SHB: variants seen among roughly 807,000 people sequenced by gnomAD.
SHB encodes the protein SH2 domain containing adaptor protein B.
A neutral mutation model predicts 52.3 loss-of-function variants in SHB; 20 were observed. That is an observed-to-expected ratio of 0.38 (90% CI 0.27 to 0.56). The LOEUF is 0.56. Ranked by LOEUF, SHB falls within the 20% of genes least tolerant of loss-of-function variation. The pLI is 0.71. For missense variants in SHB, 825 were observed against 723.3 expected (o/e 1.14, Z -1.61); for synonymous variants, 397 against 316.5 (o/e 1.25, Z -2.70).
chr9:38,019,839 G>A (rs1459681380), intron 1 of SHB, among the ~76,000 whole-genome samples: 1 of 152,106 alleles, frequency 6.6e-6, no homozygotes, highest in Admixed American at 6.6e-5. Context: ...TAGAGGAATC[G>A]CTAAATAAAC....
At chr9:38,028,071 G>A (rs991217163) in intron 1 of SHB, among the ~76,000 whole-genome samples, 8 of 152,120 alleles carry the variant, frequency 5.3e-5, no homozygotes, top group African/African-American at 1.7e-4. Flanking sequence ...TGGAGACTGC[G>A]CAGAATCACA....
chr9:38,047,568 T>C (rs919790680), intron 1 of SHB, among the ~76,000 whole-genome samples: 1 of 152,260 alleles, frequency 6.6e-6, no homozygotes, highest in Non-Finnish European at 1.5e-5. Flanking sequence ...TCTTGGCTAA[T>C]GCCTTCAGCA....
intron 5 of SHB, among the ~76,000 whole-genome samples, chr9:37,926,388 G>C (rs1258565498): frequency 6.6e-6 from 1 of 152,188 alleles, no homozygotes; most frequent in South Asian, 2.1e-4. Context: ...ACTAGTGCTA[G>C]AAGATTCGAG....
At chr9:37,975,652 G>A (rs1299314845) in intron 2 of SHB, among the ~76,000 whole-genome samples, 1 of 152,194 alleles carries the variant, frequency 6.6e-6, no homozygotes, top group Non-Finnish European at 1.5e-5. Flanking sequence ...GCTAAAATCA[G>A]GCACTTCCCA....
At chr9:37,985,489 G>A (rs916575262) in intron 2 of SHB, among the ~76,000 whole-genome samples, 2 of 152,244 alleles carry the variant, frequency 1.3e-5, no homozygotes, top group South Asian at 2.1e-4. Flanking sequence ...CTTTGCGTGC[G>A]GAGGCCTCTA....
rs1016899809 is a variant in SHB at position 37,919,797 on chromosome 9, C to T, written c.*24G>A. 1 of 1,602,310 alleles carries T rather than the reference C, an allele frequency of 6.2e-7. No homozygotes were observed. The highest frequency in any genetic ancestry group is 1.7e-5 in the Admixed American group (1 of 59,622). ...CACCTCCAAGTCTCAGGCTCTGTCA[C>T]AGAGCAGGGCAGGTCTGGTCCGCTC... On this transcript the variant is annotated 3_prime_UTR_variant, in exon 6 of 6. Transcript: ENST00000377707.
At chr9:37,999,346 G>A (rs879352575) in intron 2 of SHB, among the ~76,000 whole-genome samples, 6 of 152,294 alleles carry the variant, frequency 3.9e-5, no homozygotes, top group Admixed American at 3.9e-4. Context: ...CTCCTGCAAG[G>A]GGTGAAGGAA....
Position 38,068,227 on chromosome 9 carries a change from C to G in SHB, c.419G>C (p.Cys140Ser). 7.2e-7 allele frequency: 1 copy of G among 1,397,154 alleles called. No individual in the cohort carries two copies. The allele number at this position is 1,397,154 out of a possible 1,614,324, so 86.5% of individuals were successfully genotyped here. A position where few individuals can be genotyped will look rare whatever the true frequency, so the allele number is the denominator to read the frequency against. The change falls in exon 1 of 6, where the codon TGC becomes TCC. Residue 140 changes from cysteine to serine, a missense_variant. By Grantham distance (112) the Cys-to-Ser change is moderately radical. Coordinates refer to ENST00000377707, the MANE Select transcript of SHB (RefSeq NM_003028.3). ...ASSASGAAGC[C>S]CASSGAGAAA... is the part of the protein sequence containing the mutation. ...GGCCCCCGCGCCCGAGGAGGCGCAG[C>G]AACAGCCCGCGGCGCCCGACGCGGA...
chr9:37,980,189 G>A (rs369552853), intron 2 of SHB, among the ~76,000 whole-genome samples: 1 of 152,218 alleles, frequency 6.6e-6, no homozygotes, highest in Non-Finnish European at 1.5e-5. Flanking sequence ...TTCTCTTAGC[G>A]AAAGGCTGTT....
chr9:37,916,242 G>T lies in SHB; in HGVS notation c.*3579C>A, dbSNP rs1832096717. ...CCAATTCTGGAAGGGTGGAGAGACA[G>T]TTGGCTGGACAGCTGCCTGATTCGG... On this transcript the variant is annotated 3_prime_UTR_variant, in exon 6 of 6. Transcript: ENST00000377707. 6.6e-6 allele frequency among the ~76,000 whole-genome samples: 1 copy of T among 152,252 alleles called. No individual in the cohort carries two copies. The highest frequency in any genetic ancestry group is 6.5e-5 in the Admixed American group (1 of 15,286).
intron 3 of SHB, among the ~76,000 whole-genome samples, chr9:37,970,672 A>G (rs1820581568): frequency 1.3e-5 from 2 of 152,150 alleles, no homozygotes. Flanking sequence ...ATGCATACCC[A>G]GAGCTGGTTG....
chr9:38,024,373 G>A (rs1468141190), intron 1 of SHB, among the ~76,000 whole-genome samples: 3 of 152,258 alleles, frequency 2.0e-5, no homozygotes, highest in African/African-American at 7.2e-5. Context: ...GAGGCTGGGA[G>A]TGTGGGGGGT....
rs139767765 is a variant in SHB, at chr9:37,967,527, C to T, written c.1054+7095G>A. 7.4e-4 allele frequency among the ~76,000 whole-genome samples: 113 copies of T among 152,218 alleles called. 2 individuals carry two copies. The East Asian group carries it at 0.021, about 28-fold the overall frequency. On this transcript the variant is annotated intron_variant, in intron 3 of 5. Coordinates refer to ENST00000377707, the MANE Select transcript of SHB (RefSeq NM_003028.3). Reference sequence around the variant, plus strand: ...AGTAGAAGCACAGAGGGGAAGGAACCGGTTGTGTCAGGGAAAGCTTCCTGG... The same window carrying T: ...AGTAGAAGCACAGAGGGGAAGGAACTGGTTGTGTCAGGGAAAGCTTCCTGG...
intron 1 of SHB, among the ~76,000 whole-genome samples, chr9:38,044,874 C>T (rs935701244): frequency 1.3e-4 from 20 of 152,224 alleles, no homozygotes; most frequent in African/African-American, 4.8e-4. Flanking sequence ...CTCCAGGAGC[C>T]ATGACATGGT....
At chr9:37,950,405 T>C (rs929296991) in intron 4 of SHB, among the ~76,000 whole-genome samples, 4 of 152,114 alleles carry the variant, frequency 2.6e-5, no homozygotes, top group East Asian at 1.9e-4. Flanking sequence ...AGTGGGCCTA[T>C]AGGCACGCAC....
chr9:37,931,643 G>C (rs896480947), intron 5 of SHB, among the ~76,000 whole-genome samples: 5 of 152,218 alleles, frequency 3.3e-5, no homozygotes, highest in African/African-American at 1.2e-4. Context: ...CTGTTGGTGG[G>C]AATGTAGATT....
chr9:38,004,371 G>C (rs548428850), intron 2 of SHB, among the ~76,000 whole-genome samples: 3 of 152,302 alleles, frequency 2.0e-5, no homozygotes, highest in East Asian at 3.9e-4. Flanking sequence ...TGAGCTGCTG[G>C]GGGCTGCGTG....
intron 2 of SHB, among the ~76,000 whole-genome samples, chr9:37,979,278 TG>T (rs569790063): frequency 1.5e-3 from 231 of 152,320 alleles, no homozygotes; most frequent in African/African-American, 5.5e-3. Flanking sequence ...ATTAACAGGA[TG>T]GGGGTTTCTG....
intron 4 of SHB, among the ~76,000 whole-genome samples, chr9:37,952,289 C>T (rs1018258240): frequency 6.6e-6 from 1 of 152,162 alleles, no homozygotes; most frequent in African/African-American, 2.4e-5. Context: ...GAGGAGATGA[C>T]ATGTGGCCTG....
Sources: gnomAD v4.1 joint callset for allele counts (sites outside exome capture counted in the v4.1 genomes callset) on GRCh38, gnomAD v4.1.1 for gene constraint, MANE v1.5 for transcripts, NCBI Gene and HGNC (gene_info 2026-07-23, HGNC 2026-07-21) for gene names.